KSR2: variants seen among roughly 807,000 people sequenced by gnomAD.
KSR2 encodes kinase suppressor of ras 2.
In KSR2, 25 loss-of-function variants were observed where a neutral mutation model predicts 107.8. The ratio of observed to expected loss-of-function variants is 0.23; its 90% confidence interval spans 0.17 to 0.32. KSR2 has a LOEUF of 0.32. KSR2 is among the 10% of genes least tolerant of loss of function. The probability of loss-of-function intolerance (pLI) is 1.00; values close to 1 mark genes in which losing one functional copy is unlikely to be tolerated. For missense variants in KSR2, 887 were observed against 1,268.9 expected (o/e 0.70, Z 4.57); for synonymous variants, 480 against 507.0 (o/e 0.95, Z 0.71).
chr12:117,609,447 A>T (rs1881470410), intron 5 of KSR2, among the ~76,000 whole-genome samples: 2 of 152,220 alleles, frequency 1.3e-5, no homozygotes, highest in South Asian at 4.1e-4. Flanking sequence ...CCAGCCTGCC[A>T]CCTGTATTTT....
At chr12:117,645,712 G>A (rs181529266) in intron 5 of KSR2, among the ~76,000 whole-genome samples, 9 of 152,248 alleles carry the variant, frequency 5.9e-5, no homozygotes, top group Middle Eastern at 3.4e-3. Flanking sequence ...TTAGATCAAC[G>A]CCTTAGTTTC....
At position 117,466,062 on chromosome 12, in the gene KSR2, C is replaced by G. The variant is rs919550746; in HGVS notation, c.*1137G>C. 2.0e-5 allele frequency: 3 copies of G among 152,200 alleles called. No homozygotes were observed. Among genetic ancestry groups the G allele is most frequent in the African/African-American group, 7.2e-5 (3 of 41,406 alleles). The allele number at this position is 152,200 out of a possible 1,614,324, so 9.4% of individuals were successfully genotyped here. ...TCCGATGGGGAAGCTACTTGAGGAC[C>G]CCGCACCAGGCTAGAGCAAAGAACG... On this transcript the variant is annotated 3_prime_UTR_variant, in exon 20 of 20. Transcript: ENST00000339824.
intron 16 of KSR2, among the ~76,000 whole-genome samples, chr12:117,477,103 G>A (rs1282390374): frequency 2.0e-5 from 3 of 152,200 alleles, no homozygotes; most frequent in East Asian, 1.9e-4. Flanking sequence ...AGGTGCCAGA[G>A]TTGGGATTCA....
chr12:117,527,599 C>T (rs1270400371), intron 12 of KSR2, among the ~76,000 whole-genome samples: 1 of 152,198 alleles, frequency 6.6e-6, no homozygotes, highest in African/African-American at 2.4e-5. Context: ...TCTTGTTTGT[C>T]TGTTCATTCA....
intron 4 of KSR2, among the ~76,000 whole-genome samples, chr12:117,750,907 T>C (rs1016991665): frequency 6.6e-6 from 1 of 152,198 alleles, no homozygotes; most frequent in Non-Finnish European, 1.5e-5. Flanking sequence ...CGATCCACCA[T>C]GGATGGGGAC....
chr12:117,839,991 G>A (rs1462323522), intron 3 of KSR2, among the ~76,000 whole-genome samples: 2 of 152,012 alleles, frequency 1.3e-5, no homozygotes, highest in African/African-American at 2.4e-5. Flanking sequence ...AATGCAGAAG[G>A]GCAAAAGAAA....
At chr12:117,759,027 C>T (rs1347062239) in intron 4 of KSR2, among the ~76,000 whole-genome samples, 1 of 152,180 alleles carries the variant, frequency 6.6e-6, no homozygotes, top group African/African-American at 2.4e-5. Context: ...GCAAATCAAA[C>T]ACAACTCCAA....
intron 4 of KSR2, among the ~76,000 whole-genome samples, chr12:117,745,548 C>G (rs1410001230): frequency 6.6e-6 from 1 of 152,102 alleles, no homozygotes; most frequent in Non-Finnish European, 1.5e-5. Context: ...TCTCACCACT[C>G]CTATTCAACA....
chr12:117,613,041 G>A (rs1406461691), intron 5 of KSR2, among the ~76,000 whole-genome samples: 1 of 152,160 alleles, frequency 6.6e-6, no homozygotes, highest in Admixed American at 6.5e-5. Context: ...CCCAGTCTCT[G>A]GTAGTATCTT....
intron 1 of KSR2, among the ~76,000 whole-genome samples, chr12:117,877,906 A>G (rs1460483295): frequency 6.6e-6 from 1 of 152,228 alleles, no homozygotes; most frequent in African/African-American, 2.4e-5. Context: ...GTCCCCAGAT[A>G]GCTCAGACAG....
chr12:117,520,180 C>G (rs919996151), intron 14 of KSR2, among the ~76,000 whole-genome samples: 1 of 152,196 alleles, frequency 6.6e-6, no homozygotes, highest in Non-Finnish European at 1.5e-5. Context: ...AGTCCCAGTT[C>G]TGCCAGTTAT....
intron 4 of KSR2, among the ~76,000 whole-genome samples, chr12:117,732,818 G>A (rs988156145): frequency 2.0e-5 from 3 of 152,166 alleles, no homozygotes; most frequent in African/African-American, 4.8e-5. Flanking sequence ...GACCACAAGC[G>A]TTTTAAATTA....
chr12:117,652,730 C>T (rs1883956466), intron 5 of KSR2, among the ~76,000 whole-genome samples: 1 of 152,234 alleles, frequency 6.6e-6, no homozygotes, highest in Admixed American at 6.5e-5. Flanking sequence ...TGGACACTGA[C>T]TCTGAGCTGA....
chr12:117,814,285 A>G (rs554145396), intron 3 of KSR2, among the ~76,000 whole-genome samples: 7 of 152,326 alleles, frequency 4.6e-5, no homozygotes, highest in Non-Finnish European at 7.4e-5. Flanking sequence ...AGACAAAGAA[A>G]TGAGAAATGT....
At chr12:117,624,953 T>C (rs1376650739) in intron 5 of KSR2, among the ~76,000 whole-genome samples, 1 of 152,210 alleles carries the variant, frequency 6.6e-6, no homozygotes, top group Non-Finnish European at 1.5e-5. Flanking sequence ...GGTATTTTAT[T>C]CTCTTTGTAG....
At chr12:117,520,610 A>G (rs1236930360) in intron 14 of KSR2, among the ~76,000 whole-genome samples, 1 of 152,220 alleles carries the variant, frequency 6.6e-6, no homozygotes, top group East Asian at 1.9e-4. Flanking sequence ...TAGGGCAGAT[A>G]AGCAGATCAT....
intron 3 of KSR2, among the ~76,000 whole-genome samples, chr12:117,775,421 AC>A (rs528541592): frequency 5.8e-4 from 89 of 152,346 alleles, no homozygotes; most frequent in African/African-American, 2.0e-3. Flanking sequence ...TCGAGCACTT[AC>A]TGTGGGCTGG....
intron 4 of KSR2, among the ~76,000 whole-genome samples, chr12:117,692,521 T>C (rs1468829123): frequency 7.6e-6 from 1 of 132,240 alleles, no homozygotes; most frequent in Non-Finnish European, 1.6e-5. Context: ...CACACATATA[T>C]ATACACACAC....
At chr12:117,679,422 C>T (rs1355133733) in intron 4 of KSR2, among the ~76,000 whole-genome samples, 6 of 152,154 alleles carry the variant, frequency 3.9e-5, no homozygotes, top group Non-Finnish European at 7.4e-5. Flanking sequence ...ACACACCAAC[C>T]GAGCACACTC....
Sources: allele counts gnomAD v4.1 joint callset (sites outside exome capture counted in the v4.1 genomes callset), GRCh38; gene constraint gnomAD v4.1.1; transcripts MANE v1.5; gene names NCBI Gene and HGNC (gene_info 2026-07-23, HGNC 2026-07-21).